Variants in CDC42SE2 observed in about 807,000 individuals in gnomAD.
CDC42SE2 encodes CDC42 small effector 2.
Under a neutral mutation model 11.5 loss-of-function variants are expected in CDC42SE2, and 3 were observed. The ratio of observed to expected loss-of-function variants is 0.26; its 90% confidence interval spans 0.12 to 0.67. The LOEUF is 0.67. Among genes scored for constraint, CDC42SE2 ranks in the 30% least tolerant of loss-of-function variants. The pLI is 0.80. For synonymous variants in CDC42SE2, 33 were observed against 34.8 expected, an observed-to-expected ratio of 0.95 and a Z score of 0.18; for missense variants, 82 against 106.8, an observed-to-expected ratio of 0.77 and a Z score of 1.02.
chr5:131,258,003 TGG>T (rs1439252048), intron 2 of CDC42SE2, among the ~76,000 whole-genome samples: 61 of 152,200 alleles, frequency 4.0e-4, no homozygotes, highest in Admixed American at 4.0e-3. Flanking sequence ...TCTGCAGCCC[TGG>T]TGCTGAGTCT....
chr5:131,274,017 G>T (rs748770720), intron 1 of CDC42SE2, among the ~76,000 whole-genome samples: 1 of 151,960 alleles, frequency 6.6e-6, no homozygotes, highest in South Asian at 2.1e-4. Flanking sequence ...TGATCTGCCT[G>T]CCTGGGCCCC....
intron 3 of CDC42SE2, among the ~76,000 whole-genome samples, chr5:131,365,261 G>T (rs894126624): frequency 1.3e-5 from 2 of 151,962 alleles, no homozygotes; most frequent in Non-Finnish European, 2.9e-5. Flanking sequence ...CTGCACTCCA[G>T]CCTGGACTGG....
the CDC42SE2 span, among the ~76,000 whole-genome samples, chr5:131,216,523 C>A: frequency 0.023 from 2,461 of 106,800 alleles, 116 homozygotes; most frequent in African/African-American, 0.11. Flanking sequence ...AAAAAAAAAA[C>A]ATTATAGACT....
intron 4 of CDC42SE2, among the ~76,000 whole-genome samples, chr5:131,388,922 G>A (rs1273394600): frequency 1.3e-5 from 2 of 151,952 alleles, no homozygotes; most frequent in East Asian, 1.9e-4. Flanking sequence ...AGCCTTGACC[G>A]CCTAGGCTCA....
chr5:131,287,488 A>G (rs1757365290), intron 1 of CDC42SE2, among the ~76,000 whole-genome samples: 1 of 150,338 alleles, frequency 6.7e-6, no homozygotes, highest in Non-Finnish European at 1.5e-5. Context: ...TTTTTGAGAC[A>G]GGATCTCACT....
intron 1 of CDC42SE2, among the ~76,000 whole-genome samples, chr5:131,312,987 T>A (rs1169997065): frequency 6.6e-6 from 1 of 151,980 alleles, no homozygotes; most frequent in Non-Finnish European, 1.5e-5. Context: ...TTCTTTTCTT[T>A]TCTTTTTTTT....
At chr5:131,384,783 C>CA (rs1750427460) in intron 3 of CDC42SE2, among the ~76,000 whole-genome samples, 1 of 151,770 alleles carries the variant, frequency 6.6e-6, no homozygotes, top group African/African-American at 2.4e-5. Flanking sequence ...AAGTGCTTTT[C>CA]AAAAATTAGG....
At chr5:131,351,552 C>T (rs186726939) in intron 2 of CDC42SE2, among the ~76,000 whole-genome samples, 1 of 152,182 alleles carries the variant, frequency 6.6e-6, no homozygotes, top group East Asian at 1.9e-4. Context: ...CCGTGCCCGG[C>T]CTCAGCCCTG....
intron 3 of CDC42SE2, among the ~76,000 whole-genome samples, chr5:131,361,340 G>A (rs1432122689): frequency 2.0e-5 from 3 of 152,110 alleles, no homozygotes; most frequent in African/African-American, 4.8e-5. Context: ...GCTACACAGA[G>A]GATTTGCAAC....
intron 2 of CDC42SE2, among the ~76,000 whole-genome samples, chr5:131,338,061 C>T (rs1758619284): frequency 6.6e-6 from 1 of 152,212 alleles, no homozygotes; most frequent in Non-Finnish European, 1.5e-5. Context: ...CTGGGAGTTG[C>T]AGACTGGAGC....
At chr5:131,230,226 T>G in the CDC42SE2 span, among the ~76,000 whole-genome samples, 1 of 152,300 alleles carries the variant, frequency 6.6e-6, no homozygotes, top group East Asian at 1.9e-4. Flanking sequence ...AGGCTTCCAG[T>G]ACAATGTTCA....
intron 3 of CDC42SE2, among the ~76,000 whole-genome samples, chr5:131,370,482 C>CT (rs1335026066): frequency 2.9e-3 from 412 of 142,632 alleles, no homozygotes; most frequent in Middle Eastern, 0.011. Flanking sequence ...TTTATTTTAC[C>CT]TTTTTTTTTT....
At chr5:131,252,645 G>A (rs1756650707) in intron 1 of CDC42SE2, among the ~76,000 whole-genome samples, 1 of 152,188 alleles carries the variant, frequency 6.6e-6, no homozygotes, top group African/African-American at 2.4e-5. Context: ...GACAGAGCGA[G>A]ACTTCGTCTC....
intron 3 of CDC42SE2, among the ~76,000 whole-genome samples, chr5:131,364,877 A>G (rs1386581655): frequency 2.6e-5 from 4 of 152,334 alleles, no homozygotes; most frequent in South Asian, 2.1e-4. Context: ...GAGGAAGTGC[A>G]GTGTGCTCAG....
chr5:131,211,080 G>A, the CDC42SE2 span, among the ~76,000 whole-genome samples: 2 of 152,138 alleles, frequency 1.3e-5, no homozygotes, highest in African/African-American at 2.4e-5. Flanking sequence ...CAAGTGATCC[G>A]CCCTCCTCGG....
chr5:131,387,004 G>T (rs771438294), intron 4 of CDC42SE2, among the ~76,000 whole-genome samples: 1 of 152,224 alleles, frequency 6.6e-6, no homozygotes, highest in African/African-American at 2.4e-5. Flanking sequence ...TTTTAAATCC[G>T]TAGGAAAAGT....
chr5:131,291,908 T>C (rs769215855), intron 1 of CDC42SE2, among the ~76,000 whole-genome samples: 30 of 152,192 alleles, frequency 2.0e-4, no homozygotes, highest in Non-Finnish European at 2.8e-4. Context: ...CAGTCTGTTA[T>C]GTTCTCTTGG....
intron 1 of CDC42SE2, among the ~76,000 whole-genome samples, chr5:131,272,339 A>G (rs1423737289): frequency 6.6e-6 from 1 of 152,074 alleles, no homozygotes. Context: ...CTGTAATCCT[A>G]GTACGTTTCC....
At chr5:131,284,803 C>T (rs1310549723) in intron 1 of CDC42SE2, among the ~76,000 whole-genome samples, 4 of 152,134 alleles carry the variant, frequency 2.6e-5, no homozygotes, top group South Asian at 2.1e-4. Context: ...ATATTTTCCA[C>T]ACTTTTTACA....
Sources: gnomAD v4.1 joint callset for allele counts (sites outside exome capture counted in the v4.1 genomes callset) on GRCh38, gnomAD v4.1.1 for gene constraint, MANE v1.5 for transcripts, NCBI Gene and HGNC (gene_info 2026-07-23, HGNC 2026-07-21) for gene names.